OSMR: variants seen among roughly 807,000 people sequenced by gnomAD.
The protein encoded by OSMR is oncostatin-M-specific receptor subunit beta.
In OSMR, 81 loss-of-function variants were observed where a neutral mutation model predicts 99.9. The ratio of observed to expected loss-of-function variants is 0.81; its 90% CI spans 0.68 to 0.97. The LOEUF (loss-of-function observed/expected upper bound fraction) is 0.97, where lower values mean the gene tolerates loss of function less well. Among genes scored for constraint, OSMR ranks in the 50% least tolerant of loss-of-function variants. The pLI, the probability that OSMR is intolerant of heterozygous loss-of-function variation, is 0.00. For missense variants in OSMR, 1,099 were observed against 1,153.4 expected (o/e 0.95, Z 0.68); for synonymous variants, 406 against 410.4 (o/e 0.99, Z 0.13).
At chr5:38,924,380 T>C (rs765487511) in intron 13 of OSMR, 42 bp from the exon 14 acceptor site, 13 of 1,613,520 alleles carry the variant, frequency 8.1e-6, no homozygotes, top group Non-Finnish European at 1.1e-5. Context: ...TGAGACTGTT[T>C]CCAAATCATG....
At chr5:38,880,663 G>A (rs1743206745) in intron 3 of OSMR, among the ~76,000 whole-genome samples, 1 of 152,214 alleles carries the variant, frequency 6.6e-6, no homozygotes, top group Non-Finnish European at 1.5e-5. Context: ...CCAAACCAAA[G>A]ACATTGCCTG....
At chr5:38,886,307 T>C (rs1314263987) in intron 7 of OSMR, 117 bp downstream of exon 7, 3 of 1,576,280 alleles carry the variant, frequency 1.9e-6, no homozygotes, top group Non-Finnish European at 2.6e-6. Flanking sequence ...AGGTGAGAGT[T>C]AGAATTTATA....
intron 15 of OSMR, among the ~76,000 whole-genome samples, chr5:38,930,047 C>T (rs888100116): frequency 6.6e-6 from 1 of 152,164 alleles, no homozygotes; most frequent in Non-Finnish European, 1.5e-5. Context: ...GCCCTTTCTC[C>T]TCCAGCCCAC....
At chr5:38,915,324 A>G (rs1306577754) in intron 9 of OSMR, among the ~76,000 whole-genome samples, 11 of 152,358 alleles carry the variant, frequency 7.2e-5, no homozygotes, top group Non-Finnish European at 4.4e-5. Context: ...AACCCTATCA[A>G]TGATAGTAGA....
At chr5:38,896,390 T>A (rs1744521550) in intron 7 of OSMR, among the ~76,000 whole-genome samples, 1 of 152,122 alleles carries the variant, frequency 6.6e-6, no homozygotes, top group South Asian at 2.1e-4. Flanking sequence ...TCCTAGGTAT[T>A]TAATTTTACT....
intron 14 of OSMR, 90 bp from the exon 15 acceptor site, chr5:38,925,114 A>G: frequency 1.3e-6 from 2 of 1,574,858 alleles, no homozygotes; most frequent in Admixed American, 1.9e-5. Flanking sequence ...TAACAAGAGC[A>G]TTAGTGTCCA....
intron 7 of OSMR, among the ~76,000 whole-genome samples, chr5:38,892,336 C>T (rs562537076): frequency 1.1e-4 from 17 of 152,248 alleles, no homozygotes; most frequent in African/African-American, 4.1e-4. Flanking sequence ...GTTCTGCCTG[C>T]CCCTGCCTGA....
At chr5:38,880,733 T>C (rs888723110) in intron 3 of OSMR, among the ~76,000 whole-genome samples, 2 of 152,148 alleles carry the variant, frequency 1.3e-5, no homozygotes, top group Non-Finnish European at 2.9e-5. Flanking sequence ...GTGCTATGTT[T>C]GGAGAGACGA....
chr5:38,939,662 C>A (rs1217571380), downstream of OSMR: 4 of 230,674 alleles, frequency 1.7e-5, no homozygotes, highest in African/African-American at 8.9e-5. Context: ...ACAACCAGCA[C>A]AACTGCCCAG....
intron 3 of OSMR, among the ~76,000 whole-genome samples, chr5:38,877,067 T>C (rs928994978): frequency 2.6e-5 from 4 of 152,218 alleles, no homozygotes; most frequent in Non-Finnish European, 4.4e-5. Context: ...TGGTTTATGA[T>C]TTCCATTTCT....
intron 7 of OSMR, among the ~76,000 whole-genome samples, chr5:38,899,533 G>A (rs1001672228): frequency 2.6e-5 from 4 of 152,270 alleles, no homozygotes; most frequent in East Asian, 1.9e-4. Context: ...AAGCCAGCAC[G>A]TCTCAGAGTC....
chr5:38,850,950 T>C lies in OSMR; in HGVS notation c.-14+4563T>C, dbSNP rs555368079. 1.1e-3 allele frequency among the ~76,000 whole-genome samples: 160 copies of C among 152,174 alleles called. 2 individuals carry two copies. The Middle Eastern group carries it at 0.02, about 19-fold the overall frequency. On this transcript the variant is annotated intron_variant, in intron 1 of 17. Transcript: ENST00000274276. ...GTTACTTTTTGCATTTGGAAATAGA[T>C]CATTAAAGTATCTACACTCTCTCAG... is the stretch of plus-strand genomic sequence containing the variant.
chr5:38,917,302 G>A (rs1208457052), intron 9 of OSMR: 1 of 383,410 alleles, frequency 2.6e-6, no homozygotes, highest in African/African-American at 2.2e-5. Flanking sequence ...TGTATGGCTT[G>A]ATGTTTATAA....
At chr5:38,853,692 A>G (rs543726086) in intron 1 of OSMR, among the ~76,000 whole-genome samples, 2 of 152,296 alleles carry the variant, frequency 1.3e-5, no homozygotes, top group Admixed American at 1.3e-4. Context: ...TACCTTTTAG[A>G]GACTCAGCTT....
Position 38,943,305 on chromosome 5 carries a change from T to C in OSMR, c.75-896T>C, listed in dbSNP as rs1486433831. 2.2e-5 allele frequency: 4 copies of C among 179,270 alleles called. No individual in the cohort carries two copies. The Admixed American group carries it at 2.3e-4, about 11-fold the overall frequency. The allele number at this position is 179,270 out of a possible 1,614,324, so 11.1% of individuals were successfully genotyped here. ...TCCAAATTAAGTTTTAAAATAGAAA[T>C]ACATCTTTAAAGTTAAGTTATTAAC... On this transcript the variant is annotated intron_variant and NMD_transcript_variant, in intron 1 of 2. Coordinates refer to the OSMR transcript ENST00000508882.
At chr5:38,943,588 A>C (rs181262904) in intron 1 of OSMR, among the ~76,000 whole-genome samples, 4 of 152,198 alleles carry the variant, frequency 2.6e-5, no homozygotes, top group Middle Eastern at 3.4e-3. Context: ...CTGAGACAGG[A>C]GATCACCTGA....
At chr5:38,890,994 T>A (rs1262662316) in intron 7 of OSMR, among the ~76,000 whole-genome samples, 1 of 152,190 alleles carries the variant, frequency 6.6e-6, no homozygotes. Context: ...ATCCTATAAA[T>A]CCTGTCAGGG....
intron 1 of OSMR, among the ~76,000 whole-genome samples, chr5:38,856,879 T>C (rs1740896674): frequency 6.6e-6 from 1 of 152,194 alleles, no homozygotes; most frequent in Non-Finnish European, 1.5e-5. Flanking sequence ...TGGCCTCAAG[T>C]GATCCTCCAG....
intron 11 of OSMR, among the ~76,000 whole-genome samples, chr5:38,920,576 T>C (rs1218391869): frequency 6.6e-6 from 1 of 152,218 alleles, no homozygotes; most frequent in Non-Finnish European, 1.5e-5. Flanking sequence ...TTTTAGCTTA[T>C]ACCTAGGGCT....
Sources: gnomAD v4.1 joint callset for allele counts (sites outside exome capture counted in the v4.1 genomes callset) on GRCh38, gnomAD v4.1.1 for gene constraint, MANE v1.5 for transcripts, NCBI Gene and HGNC (gene_info 2026-07-23, HGNC 2026-07-21) for gene names.